Variants in PRKG1 observed in about 807,000 individuals in gnomAD.
PRKG1 encodes protein kinase cGMP-dependent 1.
In PRKG1, 35 loss-of-function variants were observed where a neutral mutation model predicts 88.1. The observed-to-expected ratio is 0.40, with a 90% CI of 0.30 to 0.53. PRKG1 has a LOEUF of 0.53. Ranked by LOEUF, PRKG1 falls within the 20% of genes least tolerant of loss-of-function variation. The pLI is 0.59. For synonymous variants in PRKG1, 303 were observed against 292.5 expected, an observed-to-expected ratio of 1.04 and a Z score of -0.37; for missense variants, 540 against 839.8, an observed-to-expected ratio of 0.64 and a Z score of 4.41.
upstream of PRKG1, among the ~76,000 whole-genome samples, chr10:51,070,262 T>G (rs927388874): frequency 1.3e-5 from 2 of 152,182 alleles, no homozygotes; most frequent in Non-Finnish European, 2.9e-5. Flanking sequence ...ATTGAACTTA[T>G]AGGGTTGTAT....
chr10:51,483,013 T>C (rs768903514), intron 3 of PRKG1, among the ~76,000 whole-genome samples: 4 of 26,818 alleles, frequency 1.5e-4, no homozygotes, highest in Admixed American at 3.5e-4. Context: ...TTCTTTCTTT[T>C]TTTTTTTTTT....
chr10:51,728,350 A>G (rs1340263459), intron 3 of PRKG1, among the ~76,000 whole-genome samples: 1 of 152,092 alleles, frequency 6.6e-6, no homozygotes, highest in Non-Finnish European at 1.5e-5. Context: ...TCTATGGAAA[A>G]TGCTTCACAT....
intron 3 of PRKG1, among the ~76,000 whole-genome samples, chr10:51,651,766 T>C (rs975136916): frequency 1.3e-5 from 2 of 151,826 alleles, no homozygotes; most frequent in African/African-American, 4.8e-5. Flanking sequence ...GTGTTTTTAG[T>C]AAAGACAGGG....
intron 2 of PRKG1, among the ~76,000 whole-genome samples, chr10:51,413,062 C>G (rs1012876442): frequency 1.3e-5 from 2 of 152,184 alleles, no homozygotes; most frequent in Non-Finnish European, 2.9e-5. Flanking sequence ...TGATTCAGAT[C>G]ACAGCAAATC....
At chr10:51,538,956 G>T (rs181365945) in intron 3 of PRKG1, among the ~76,000 whole-genome samples, 1 of 151,900 alleles carries the variant, frequency 6.6e-6, no homozygotes, top group Admixed American at 6.6e-5. Flanking sequence ...CCATCAAATA[G>T]ATTTTATATA....
At chr10:51,660,275 C>A (rs541994769) in intron 3 of PRKG1, among the ~76,000 whole-genome samples, 1 of 151,828 alleles carries the variant, frequency 6.6e-6, no homozygotes, top group Non-Finnish European at 1.5e-5. Context: ...ATTATAAGAC[C>A]ATCACCACCG....
intron 2 of PRKG1, among the ~76,000 whole-genome samples, chr10:51,213,408 T>C (rs1459080387): frequency 1.3e-5 from 2 of 152,212 alleles, no homozygotes; most frequent in African/African-American, 4.8e-5. Flanking sequence ...ATGGCACATG[T>C]ATACATATGT....
At chr10:51,900,818 C>T (rs923562689) in intron 4 of PRKG1, among the ~76,000 whole-genome samples, 4 of 152,044 alleles carry the variant, frequency 2.6e-5, no homozygotes, top group African/African-American at 9.7e-5. Flanking sequence ...AAAAAAGTGG[C>T]TAACTCGGCT....
In PRKG1 at chr10:51,136,440, G is replaced by A. The variant is rs150753165; in HGVS notation, c.312-16724G>A. On this transcript the variant is annotated intron_variant, in intron 1 of 17. Coordinates refer to ENST00000373980, the MANE Select transcript of PRKG1 (RefSeq NM_006258.4). ...TAGTAATTTCAGCGAAATTATCTCAGGAGAATATGTTAAATGAAAAGATTT... is the reference window on the plus strand; with the variant it reads ...TAGTAATTTCAGCGAAATTATCTCAAGAGAATATGTTAAATGAAAAGATTT... Among the ~76,000 whole-genome samples the A allele has an allele frequency of 1.5e-3, 232 of 152,084 alleles. 2 individuals are homozygous for A. The highest frequency in any genetic ancestry group is 5.4e-3 in the African/African-American group (223 of 41,486).
chr10:51,181,875 A>G (rs1448803038), intron 2 of PRKG1, among the ~76,000 whole-genome samples: 1 of 152,182 alleles, frequency 6.6e-6, no homozygotes, highest in Non-Finnish European at 1.5e-5. Context: ...GGTATTTTGC[A>G]TGTATGAAAG....
chr10:51,116,899 G>C (rs1845136154), intron 1 of PRKG1, among the ~76,000 whole-genome samples: 1 of 152,196 alleles, frequency 6.6e-6, no homozygotes, highest in Non-Finnish European at 1.5e-5. Context: ...ATGAGTAGAG[G>C]TGGGAGCCTG....
At chr10:51,166,669 A>G (rs2131999300) in intron 2 of PRKG1, among the ~76,000 whole-genome samples, 1 of 152,244 alleles carries the variant, frequency 6.6e-6, no homozygotes, top group African/African-American at 2.4e-5. Context: ...TCTAGTACTC[A>G]AAGGCACATG....
At chr10:52,275,675 A>C (rs1276217248) in intron 12 of PRKG1, among the ~76,000 whole-genome samples, 1 of 151,950 alleles carries the variant, frequency 6.6e-6, no homozygotes, top group African/African-American at 2.4e-5. Flanking sequence ...CTCTTTTATG[A>C]TCCCATATGA....
chr10:51,194,502 A>G (rs1372388451), intron 2 of PRKG1, among the ~76,000 whole-genome samples: 1 of 152,026 alleles, frequency 6.6e-6, no homozygotes, highest in Non-Finnish European at 1.5e-5. Context: ...CCTCTGTTGA[A>G]TATTGTAAAA....
At chr10:51,771,598 A>T (rs181270908) in intron 3 of PRKG1, among the ~76,000 whole-genome samples, 1 of 152,146 alleles carries the variant, frequency 6.6e-6, no homozygotes, top group Non-Finnish European at 1.5e-5. Flanking sequence ...AATGATTAAA[A>T]TGTCTGAGTA....
chr10:51,833,634 G>C (rs1840057288), intron 4 of PRKG1, among the ~76,000 whole-genome samples: 1 of 152,044 alleles, frequency 6.6e-6, no homozygotes. Flanking sequence ...ATACATTGTG[G>C]AATGACCAAA....
chr10:51,083,929 T>G (rs1292472214), intron 1 of PRKG1, among the ~76,000 whole-genome samples: 1 of 152,184 alleles, frequency 6.6e-6, no homozygotes, highest in Non-Finnish European at 1.5e-5. Flanking sequence ...CCTTCTCAGG[T>G]GAGGATCAGC....
chr10:51,480,026 G>T (rs575375342), intron 3 of PRKG1, among the ~76,000 whole-genome samples: 1 of 151,872 alleles, frequency 6.6e-6, no homozygotes, highest in Non-Finnish European at 1.5e-5. Context: ...TTAAATGTTG[G>T]CAAGCTTGAT....
chr10:51,607,092 A>G (rs924920856), intron 3 of PRKG1, among the ~76,000 whole-genome samples: 4 of 152,104 alleles, frequency 2.6e-5, no homozygotes, highest in African/African-American at 7.2e-5. Context: ...TCTGAAACCA[A>G]TTTTGCCACC....
Sources: allele counts gnomAD v4.1 joint callset (sites outside exome capture counted in the v4.1 genomes callset), GRCh38; gene constraint gnomAD v4.1.1; transcripts MANE v1.5; gene names NCBI Gene and HGNC (gene_info 2026-07-23, HGNC 2026-07-21).